USH2A: variants seen among roughly 807,000 people sequenced by gnomAD.
USH2A encodes the protein Usher syndrome 2A (autosomal recessive, mild).
USH2A carries 443 observed loss-of-function variants against 538.9 expected under a neutral mutation model. The ratio of observed to expected loss-of-function variants is 0.82; its 90% CI spans 0.76 to 0.89. The LOEUF (loss-of-function observed/expected upper bound fraction) is 0.89. USH2A is among the 40% of genes least tolerant of loss of function. The pLI is 0.00. For synonymous variants in USH2A, 2,413 were observed against 2,273.5 expected (o/e 1.06, Z -1.75); for missense variants, 6,633 against 6,324.8 (o/e 1.05, Z -1.65).
At chr1:216,172,132 T>C (rs1160997086) in intron 21 of USH2A, among the ~76,000 whole-genome samples, 4 of 152,034 alleles carry the variant, frequency 2.6e-5, no homozygotes, top group Non-Finnish European at 2.9e-5. Flanking sequence ...TTATTCTCTT[T>C]CTATTGTGTA....
At chr1:215,930,273 C>T (rs150724584) in intron 38 of USH2A, among the ~76,000 whole-genome samples, 1 of 152,088 alleles carries the variant, frequency 6.6e-6, no homozygotes, top group Non-Finnish European at 1.5e-5. Context: ...CTGTTTCTAG[C>T]TCGTCAGTAT....
At chr1:216,091,916 G>GC (rs1306508719) in intron 22 of USH2A, among the ~76,000 whole-genome samples, 2 of 152,084 alleles carry the variant, frequency 1.3e-5, no homozygotes, top group Admixed American at 6.6e-5. Context: ...ACAAGGCTGG[G>GC]CATGGTGTCT....
At chr1:216,286,391 G>A (rs1047993798) in intron 11 of USH2A, among the ~76,000 whole-genome samples, 1 of 152,128 alleles carries the variant, frequency 6.6e-6, no homozygotes, top group Non-Finnish European at 1.5e-5. Context: ...TTTCAGCCAT[G>A]ATTGTGAGGC....
chr1:215,798,807 G>A lies in USH2A; in HGVS notation c.9958+100C>T, dbSNP rs561749482. On this transcript the variant is annotated intron_variant, in intron 50 of 71. Transcript: ENST00000307340. ...TTATTGCATTAGATATAACCAATGT[G>A]AGCTTTAATTACTTATTTGTTTTAT... is the stretch of plus-strand genomic sequence containing the variant. 192 of 1,340,618 alleles carry A rather than the reference G, an allele frequency of 1.4e-4. 2 individuals are homozygous for A. The Middle Eastern group carries it at 5.3e-3, about 37-fold the overall frequency. 83.0% of individuals were successfully genotyped at this position (1,340,618 alleles called of 1,614,324 possible).
chr1:216,133,275 T>C (rs2033414302), intron 21 of USH2A, among the ~76,000 whole-genome samples: 1 of 152,104 alleles, frequency 6.6e-6, no homozygotes, highest in African/African-American at 2.4e-5. Context: ...TAGGCCTCTG[T>C]TCCAGGGAAC....
intron 60 of USH2A, among the ~76,000 whole-genome samples, chr1:215,734,354 C>A (rs1660092477): frequency 6.6e-6 from 1 of 152,216 alleles, no homozygotes; most frequent in Non-Finnish European, 1.5e-5. Flanking sequence ...ACCATTCTTT[C>A]CTCCTAGGCC....
chr1:215,757,536 G>A (rs879346098), intron 58 of USH2A, among the ~76,000 whole-genome samples: 12 of 152,164 alleles, frequency 7.9e-5, no homozygotes, highest in East Asian at 5.8e-4. Flanking sequence ...CAAAAAGGGC[G>A]TGTCACAATT....
At chr1:216,158,960 G>T (rs1484525589) in intron 21 of USH2A, among the ~76,000 whole-genome samples, 1 of 152,122 alleles carries the variant, frequency 6.6e-6, no homozygotes, top group Non-Finnish European at 1.5e-5. Context: ...ATTTATGTGT[G>T]TTAGTTCTAG....
chr1:216,077,967 A>G, intron 27 of USH2A, 122 bp downstream of exon 27: 1 of 1,203,306 alleles, frequency 8.3e-7, no homozygotes, highest in South Asian at 1.3e-5. Flanking sequence ...CTCCAGAAAA[A>G]GAGATGCTGT....
intron 16 of USH2A, among the ~76,000 whole-genome samples, chr1:216,206,129 G>T (rs1035359791): frequency 1.3e-5 from 2 of 151,874 alleles, no homozygotes; most frequent in African/African-American, 4.8e-5. Flanking sequence ...TTTAACCTGA[G>T]AATTAAAAAA....
chr1:215,627,407 TCC>T, intron 71 of USH2A, among the ~76,000 whole-genome samples: 1 of 100,938 alleles, frequency 9.9e-6, no homozygotes, highest in Non-Finnish European at 2.1e-5. Context: ...CTTCCTTCCT[TCC>T]TTCCTTCCTT....
chr1:216,287,828 A>T (rs2036916416), intron 11 of USH2A, among the ~76,000 whole-genome samples: 1 of 152,140 alleles, frequency 6.6e-6, no homozygotes, highest in Admixed American at 6.5e-5. Flanking sequence ...TGCAAGTGAA[A>T]ATTTACATAA....
intron 37 of USH2A, among the ~76,000 whole-genome samples, chr1:215,960,518 C>A (rs1667172703): frequency 6.6e-6 from 1 of 151,826 alleles, no homozygotes; most frequent in African/African-American, 2.4e-5. Context: ...AATGGTGCAC[C>A]CTTGAGAGTC....
At chr1:215,810,216 C>G (rs1247194477) in intron 49 of USH2A, among the ~76,000 whole-genome samples, 3 of 152,118 alleles carry the variant, frequency 2.0e-5, no homozygotes, top group African/African-American at 7.2e-5. Flanking sequence ...TTTATACATA[C>G]AGACAATACA....
chr1:216,195,681 G>A (rs1258522836), intron 19 of USH2A: 1 of 156,408 alleles, frequency 6.4e-6, no homozygotes, highest in Non-Finnish European at 1.5e-5. Flanking sequence ...AGAAAAATGT[G>A]GCTAGATCTA....
chr1:216,271,923 T>C (rs1413300799), intron 11 of USH2A, among the ~76,000 whole-genome samples: 2 of 152,144 alleles, frequency 1.3e-5, no homozygotes, highest in East Asian at 3.9e-4. Context: ...AATATGCTGT[T>C]AAGGTATTTT....
At chr1:215,745,763 T>C (rs1369002735) in intron 58 of USH2A, among the ~76,000 whole-genome samples, 2 of 152,226 alleles carry the variant, frequency 1.3e-5, no homozygotes, top group African/African-American at 4.8e-5. Context: ...AATATACTTA[T>C]GCTTTTCCTT....
intron 32 of USH2A, among the ~76,000 whole-genome samples, chr1:216,033,413 A>G (rs1261615508): frequency 6.6e-6 from 1 of 152,234 alleles, no homozygotes; most frequent in African/African-American, 2.4e-5. Flanking sequence ...GGGGAAAGTA[A>G]ATTCCAGTCA....
chr1:216,405,446 A>T (rs2039379651), intron 3 of USH2A, among the ~76,000 whole-genome samples: 1 of 152,230 alleles, frequency 6.6e-6, no homozygotes, highest in African/African-American at 2.4e-5. Flanking sequence ...GCTGAACACC[A>T]TTAGTCATTA....
Sources: allele counts gnomAD v4.1 joint callset (sites outside exome capture counted in the v4.1 genomes callset), GRCh38; gene constraint gnomAD v4.1.1; transcripts MANE v1.5; gene names NCBI Gene and HGNC (gene_info 2026-07-23, HGNC 2026-07-21).